Variants in ZCCHC7 observed in about 807,000 individuals in gnomAD.
The protein encoded by ZCCHC7 is zinc finger CCHC-type containing 7, also known as zinc finger CCHC domain-containing protein 7.
ZCCHC7 carries 35 observed loss-of-function variants against 52.0 expected under a neutral mutation model. The ratio of observed to expected loss-of-function variants is 0.67; its 90% confidence interval spans 0.51 to 0.89. The LOEUF is 0.89. Ranked by LOEUF, ZCCHC7 falls within the 40% of genes least tolerant of loss-of-function variation. ZCCHC7 has a pLI of 0.00. For missense variants in ZCCHC7, 574 were observed against 649.1 expected, an observed-to-expected ratio of 0.88 and a Z score of 1.26; for synonymous variants, 217 against 221.5, an observed-to-expected ratio of 0.98 and a Z score of 0.18.
At chr9:37,271,148 C>T (rs998285731) in intron 2 of ZCCHC7, among the ~76,000 whole-genome samples, 3 of 152,198 alleles carry the variant, frequency 2.0e-5, no homozygotes, top group Admixed American at 2.0e-4. Context: ...TGTGCCACTT[C>T]AGAGAACACA....
At chr9:37,149,737 A>G (rs1419085379) in intron 2 of ZCCHC7, among the ~76,000 whole-genome samples, 1 of 152,160 alleles carries the variant, frequency 6.6e-6, no homozygotes, top group Non-Finnish European at 1.5e-5. Flanking sequence ...TTAATAGTTC[A>G]TGTGTCAGCT....
At chr9:37,302,932 A>G (rs985860964) in intron 3 of ZCCHC7, among the ~76,000 whole-genome samples, 2 of 152,220 alleles carry the variant, frequency 1.3e-5, no homozygotes, top group South Asian at 4.1e-4. Flanking sequence ...CTTTATTTCT[A>G]TAAAGGAAGA....
intron 4 of ZCCHC7, among the ~76,000 whole-genome samples, 170 bp downstream of exon 4, chr9:37,304,483 G>A (rs1052129502): frequency 6.6e-5 from 10 of 151,974 alleles, no homozygotes; most frequent in African/African-American, 1.9e-4. Flanking sequence ...GAAAAACCCC[G>A]TCTCTACCAA....
chr9:37,203,303 T>C (rs1328261641), intron 2 of ZCCHC7, among the ~76,000 whole-genome samples: 3 of 152,332 alleles, frequency 2.0e-5, no homozygotes, highest in Non-Finnish European at 4.4e-5. Context: ...TATTTTTCTT[T>C]AAAAAATTTT....
chr9:37,335,212 T>G lies in ZCCHC7; in HGVS notation c.987+7378T>G, dbSNP rs1830597899. Among the ~76,000 whole-genome samples the G allele has an allele frequency of 2.6e-5, 4 of 152,154 alleles. No individual in the cohort carries two copies. The South Asian group carries it at 8.3e-4, about 32-fold the overall frequency. ...ATTTTGTTTTCTTGGATCTCTCACATTTCCTTTGTTTACAGTTGTACATTT... is the reference window on the plus strand; with the variant it reads ...ATTTTGTTTTCTTGGATCTCTCACAGTTCCTTTGTTTACAGTTGTACATTT... On this transcript the variant is annotated intron_variant, in intron 6 of 8. Coordinates refer to ENST00000336755, the MANE Select transcript of ZCCHC7 (RefSeq NM_032226.3).
At chr9:37,259,011 A>G (rs1826736620) in intron 2 of ZCCHC7, among the ~76,000 whole-genome samples, 2 of 152,156 alleles carry the variant, frequency 1.3e-5, no homozygotes, top group South Asian at 4.1e-4. Context: ...GTTTTGTAAG[A>G]CAATAGGCAA....
intron 2 of ZCCHC7, among the ~76,000 whole-genome samples, chr9:37,256,689 C>A (rs1247784050): frequency 1.3e-5 from 2 of 152,080 alleles, no homozygotes; most frequent in East Asian, 3.9e-4. Flanking sequence ...CAGTATTTTC[C>A]ACATGACCCA....
chr9:37,266,119 T>C (rs1435570152), intron 2 of ZCCHC7, among the ~76,000 whole-genome samples: 1 of 152,220 alleles, frequency 6.6e-6, no homozygotes, highest in Non-Finnish European at 1.5e-5. Flanking sequence ...AAAACAACAC[T>C]TTAATTCCTT....
intron 7 of ZCCHC7, among the ~76,000 whole-genome samples, chr9:37,353,255 C>A (rs12551069): frequency 0.2 from 29,753 of 152,130 alleles, 3,154 homozygotes; most frequent in Non-Finnish European, 0.24. Context: ...TGAACCAATA[C>A]CATTAAAGAA....
At chr9:37,173,729 T>G (rs920591284) in intron 2 of ZCCHC7, among the ~76,000 whole-genome samples, 1 of 152,246 alleles carries the variant, frequency 6.6e-6, no homozygotes. Context: ...TTCTTCTGAT[T>G]AACAGCAACT....
At chr9:37,323,950 T>G (rs1830145991) in intron 5 of ZCCHC7, among the ~76,000 whole-genome samples, 1 of 152,156 alleles carries the variant, frequency 6.6e-6, no homozygotes, top group Non-Finnish European at 1.5e-5. Context: ...GGGCGTTCTT[T>G]TTAATAAAGG....
At chr9:37,332,620 T>C (rs1830492838) in intron 6 of ZCCHC7, among the ~76,000 whole-genome samples, 1 of 147,562 alleles carries the variant, frequency 6.8e-6, no homozygotes, top group African/African-American at 2.5e-5. Flanking sequence ...AGTCAACTGA[T>C]TTTTTTTTTT....
At chr9:37,129,468 C>G (rs1842683587) in intron 2 of ZCCHC7, among the ~76,000 whole-genome samples, 7 of 152,126 alleles carry the variant, frequency 4.6e-5, no homozygotes, top group Admixed American at 4.6e-4. Flanking sequence ...TAATAAACAA[C>G]ATATTTAGTA....
intron 2 of ZCCHC7, among the ~76,000 whole-genome samples, chr9:37,134,032 C>CTATA (rs750077481): frequency 6.6e-6 from 1 of 151,424 alleles, no homozygotes; most frequent in African/African-American, 2.4e-5. Flanking sequence ...CTGAAACGTA[C>CTATA]TATATATATA....
intron 2 of ZCCHC7, among the ~76,000 whole-genome samples, chr9:37,223,243 G>A (rs1255871815): frequency 5.3e-5 from 8 of 152,086 alleles, no homozygotes; most frequent in Non-Finnish European, 1.2e-4. Flanking sequence ...GAAACAACCC[G>A]TGTCTATTAA....
chr9:37,301,213 G>T (rs748170678), intron 2 of ZCCHC7, among the ~76,000 whole-genome samples: 1 of 152,176 alleles, frequency 6.6e-6, no homozygotes, highest in Non-Finnish European at 1.5e-5. Context: ...ACTGATACTG[G>T]ACAGGTTAAC....
rs34589957 is a variant in ZCCHC7 at position 37,130,334 on chromosome 9, C to CTTTTTT, written c.610+3417_610+3422dup. Among the ~76,000 whole-genome samples, 32 of 63,136 alleles carry CTTTTTT rather than the reference C, an allele frequency of 5.1e-4. 5 individuals are homozygous for CTTTTTT. Among genetic ancestry groups the CTTTTTT allele is most frequent in the South Asian group, 1.5e-3 (2 of 1,342 alleles). The allele number at this position is 63,136 out of a possible 152,430, so 41.4% of individuals were successfully genotyped here. A position where few individuals can be genotyped will look rare whatever the true frequency, so the allele number is the denominator to read the frequency against. ...GCTAAGTAATTTACGGAATTCTCTCCTTTTTTTTTTTTTTTTTTTTTTTTT... is the reference window on the plus strand; with the variant it reads ...GCTAAGTAATTTACGGAATTCTCTCCTTTTTTTTTTTTTTTTTTTTTTTTTTTTTTT... On this transcript the variant is annotated intron_variant, in intron 2 of 8. Coordinates refer to ENST00000336755, the MANE Select transcript of ZCCHC7 (RefSeq NM_032226.3).
chr9:37,208,671 C>A (rs1254606923), intron 2 of ZCCHC7, among the ~76,000 whole-genome samples: 1 of 152,182 alleles, frequency 6.6e-6, no homozygotes, highest in East Asian at 1.9e-4. Context: ...TTGAAATATA[C>A]TTAGAATCAG....
Position 37,354,593 on chromosome 9 carries a change from C to T in ZCCHC7, c.1084-117C>T, listed in dbSNP as rs929016054. On this transcript the variant is annotated intron_variant, in intron 7 of 8. Transcript: ENST00000336755. The surrounding 1 kb of genome is among the most constrained non-coding windows in gnomAD (Gnocchi z 4.0). ...CAGCAAGGACCATATCCTACAGCCA[C>T]CACATGAGGTACCAGTGACATGGGG... 5 of 683,702 alleles carry T rather than the reference C, an allele frequency of 7.3e-6. No individual in the cohort carries two copies. The highest frequency in any genetic ancestry group is 2.7e-5 in the East Asian group (1 of 37,204). The allele number at this position is 683,702 out of a possible 1,614,324, so 42.4% of individuals were successfully genotyped here.
Sources: allele counts gnomAD v4.1 joint callset (sites outside exome capture counted in the v4.1 genomes callset), GRCh38; gene constraint gnomAD v4.1.1; non-coding constraint Gnocchi (gnomAD v3.1); transcripts MANE v1.5; gene names NCBI Gene and HGNC (gene_info 2026-07-23, HGNC 2026-07-21).